The following SLCO2A1 variants were observed in gnomAD, a reference collection of about 807,000 sequenced individuals.
SLCO2A1 encodes the protein solute carrier organic anion transporter family member 2A1.
In SLCO2A1, 60 loss-of-function variants were observed where a neutral mutation model predicts 71.7. That is an observed-to-expected ratio of 0.84 (90% CI 0.68 to 1.04). The LOEUF (loss-of-function observed/expected upper bound fraction) is 1.04. SLCO2A1 is among the 50% of genes least tolerant of loss of function. The pLI is 0.00. For missense variants in SLCO2A1, 745 were observed against 813.4 expected, an observed-to-expected ratio of 0.92 and a Z score of 1.02; for synonymous variants, 308 against 326.7, an observed-to-expected ratio of 0.94 and a Z score of 0.62.
rs145486551 is a variant in SLCO2A1 at position 134,024,114 on chromosome 3, A to G, written c.96+5593T>C. On this transcript the variant is annotated intron_variant, in intron 1 of 13. Transcript: ENST00000310926. ...AGTCAGCCCTTGTTCATCCCCGAGC[A>G]GATGTGTGGTGGTATTGTGGTGGAC... Among the ~76,000 whole-genome samples the G allele has an allele frequency of 8.0e-3, 1,212 of 152,340 alleles. 14 individuals carry two copies. Among genetic ancestry groups the G allele is most frequent in the African/African-American group, 0.025 (1,023 of 41,578 alleles).
intron 5 of SLCO2A1, 152 bp downstream of exon 5, chr3:133,953,511 C>G: frequency 1.6e-6 from 1 of 630,614 alleles, no homozygotes; most frequent in African/African-American, 1.8e-5. Flanking sequence ...GCTCCTGGCT[C>G]TCCGAGGGAC....
intron 3 of SLCO2A1, among the ~76,000 whole-genome samples, chr3:133,966,266 T>TACAA (rs1394107835): frequency 6.6e-6 from 1 of 152,226 alleles, no homozygotes; most frequent in Non-Finnish European, 1.5e-5. Context: ...CCTTATGGTA[T>TACAA]ACAAGTCTGA....
chr3:134,022,097 G>A (rs1187919121), intron 1 of SLCO2A1, among the ~76,000 whole-genome samples: 2 of 151,086 alleles, frequency 1.3e-5, no homozygotes, highest in African/African-American at 2.4e-5. Context: ...GAGGAGGGGC[G>A]GAATTTATGT....
chr3:134,019,220 C>G (rs2108078292), intron 1 of SLCO2A1, among the ~76,000 whole-genome samples: 1 of 152,282 alleles, frequency 6.6e-6, no homozygotes, highest in East Asian at 1.9e-4. Context: ...TAGTCCACCC[C>G]TTTCTGGTTA....
At chr3:133,966,729 A>G (rs1576438348) in intron 3 of SLCO2A1, among the ~76,000 whole-genome samples, 1 of 152,198 alleles carries the variant, frequency 6.6e-6, no homozygotes, top group African/African-American at 2.4e-5. Flanking sequence ...CCTGGTGGGT[A>G]GCACGCTGCC....
chr3:134,001,171 G>A (rs1363876688), intron 1 of SLCO2A1, among the ~76,000 whole-genome samples: 1 of 151,702 alleles, frequency 6.6e-6, no homozygotes, highest in East Asian at 1.9e-4. Context: ...AGGCTGGAGT[G>A]CAATGGCACG....
At chr3:133,961,666 T>C (rs1480988887) in intron 3 of SLCO2A1, among the ~76,000 whole-genome samples, 5 of 152,146 alleles carry the variant, frequency 3.3e-5, no homozygotes, top group African/African-American at 1.2e-4. Flanking sequence ...GGATTACATG[T>C]CAGAAACTGC....
rs762089047 is a variant in SLCO2A1 at position 133,951,321 on chromosome 3, C to A, written c.748G>T (p.Asp250Tyr). The A allele has an allele frequency of 6.2e-7, 1 of 1,614,002 alleles. No homozygotes were observed. Among genetic ancestry groups the A allele is most frequent in the African/African-American group, 1.3e-5 (1 of 74,940 alleles). The part of the protein sequence containing the change: ...NTAAVNLVPG[D>Y]PRWIGAWWLG... Reference sequence around the variant, plus strand: ...CACCAGGCTCCAATCCATCGGGGGTCACCCGGGACCAAGTTAACTGCAGCT... The same window carrying A: ...CACCAGGCTCCAATCCATCGGGGGTAACCCGGGACCAAGTTAACTGCAGCT... The change falls in exon 6 of 14, where the codon GAC (aspartate) becomes TAC (tyrosine). Residue 250 changes from aspartate (D) to tyrosine (Y), a missense_variant. Coordinates refer to ENST00000310926, the MANE Select transcript of SLCO2A1 (RefSeq NM_005630.3).
intron 6 of SLCO2A1, among the ~76,000 whole-genome samples, chr3:133,949,390 C>T (rs367853322): frequency 5.9e-5 from 9 of 151,890 alleles, no homozygotes; most frequent in Non-Finnish European, 1.0e-4. Context: ...CCAGCCCCAC[C>T]GTCCTCCCCC....
At chr3:133,994,103 C>T (rs1009148315) in intron 1 of SLCO2A1, among the ~76,000 whole-genome samples, 35 of 152,296 alleles carry the variant, frequency 2.3e-4, no homozygotes, top group African/African-American at 8.4e-4. Context: ...TTCCCATCAA[C>T]TCATTGATTT....
At chr3:134,017,041 G>A (rs1444188486) in intron 1 of SLCO2A1, among the ~76,000 whole-genome samples, 2 of 152,210 alleles carry the variant, frequency 1.3e-5, no homozygotes, top group African/African-American at 4.8e-5. Context: ...TGGTAGTCAC[G>A]GAAGCAAGGG....
At chr3:134,020,672 C>T (rs558871998) in intron 1 of SLCO2A1, among the ~76,000 whole-genome samples, 14 of 152,234 alleles carry the variant, frequency 9.2e-5, no homozygotes, top group East Asian at 3.9e-4. Flanking sequence ...GTGCCTTTAT[C>T]GGCACTTTGG....
At chr3:134,028,469 A>G (rs1935741065) in intron 1 of SLCO2A1, among the ~76,000 whole-genome samples, 1 of 152,236 alleles carries the variant, frequency 6.6e-6, no homozygotes, top group Non-Finnish European at 1.5e-5. Flanking sequence ...ATATACAACT[A>G]CAAAATCAAT....
At chr3:133,961,514 A>G (rs1422865606) in intron 3 of SLCO2A1, among the ~76,000 whole-genome samples, 2 of 152,186 alleles carry the variant, frequency 1.3e-5, no homozygotes, top group African/African-American at 2.4e-5. Flanking sequence ...AAAAACATTG[A>G]ATGACTTATT....
At chr3:134,011,723 A>G (rs78273415) in intron 1 of SLCO2A1, among the ~76,000 whole-genome samples, 30 of 152,330 alleles carry the variant, frequency 2.0e-4, no homozygotes, top group Non-Finnish European at 4.3e-4. Context: ...CCCTCTGGCA[A>G]TGAAGCCAGG....
At chr3:133,968,312 C>T (rs1037044044) in intron 3 of SLCO2A1, among the ~76,000 whole-genome samples, 49 of 151,912 alleles carry the variant, frequency 3.2e-4, no homozygotes, top group Non-Finnish European at 6.5e-4. Flanking sequence ...CTCAGGCTGC[C>T]CAAACCACGG....
At chr3:134,018,832 A>G (rs1935513376) in intron 1 of SLCO2A1, among the ~76,000 whole-genome samples, 1 of 150,270 alleles carries the variant, frequency 6.7e-6, no homozygotes, top group Admixed American at 6.7e-5. Context: ...CTGAACAGTG[A>G]TTGTGGAGCA....
intron 1 of SLCO2A1, among the ~76,000 whole-genome samples, chr3:133,983,377 C>T (rs1378487356): frequency 1.3e-5 from 2 of 152,212 alleles, no homozygotes; most frequent in African/African-American, 4.8e-5. Flanking sequence ...CAGTCCCAGC[C>T]CTCGATGCCA....
At position 133,934,691 on chromosome 3, in the gene SLCO2A1, A is replaced by C; in HGVS notation, c.*22T>G. On this transcript the variant is annotated 3_prime_UTR_variant, in exon 14 of 14. Transcript: ENST00000310926. ...AGAGTCAAGGTCCACTCTCTGGAGCAGGGCAGTGGCCCAGGGTGGGGTCAG... is the reference window on the plus strand; with the variant it reads ...AGAGTCAAGGTCCACTCTCTGGAGCCGGGCAGTGGCCCAGGGTGGGGTCAG... 4 of 1,526,712 alleles carry C rather than the reference A, an allele frequency of 2.6e-6. No individual in the cohort carries two copies. The highest frequency in any genetic ancestry group is 3.6e-6 in the Non-Finnish European group (4 of 1,100,914). The allele number at this position is 1,526,712 out of a possible 1,614,324, so 94.6% of individuals were successfully genotyped here.
Sources: gnomAD v4.1 joint callset for allele counts (sites outside exome capture counted in the v4.1 genomes callset) on GRCh38, gnomAD v4.1.1 for gene constraint, MANE v1.5 for transcripts, NCBI Gene and HGNC (gene_info 2026-07-23, HGNC 2026-07-21) for gene names.